The following RBMS3 variants were observed in gnomAD, a reference collection of about 807,000 sequenced individuals.
The protein encoded by RBMS3 is RNA binding motif single stranded interacting protein 3, also known as RNA-binding motif, single-stranded-interacting protein 3.
Under a neutral mutation model 66.8 loss-of-function variants are expected in RBMS3, and 27 were observed. That is an observed-to-expected ratio of 0.40 (90% CI 0.30 to 0.56). RBMS3 has a LOEUF of 0.56. Ranked by LOEUF, RBMS3 falls within the 20% of genes least tolerant of loss-of-function variation. The probability of loss-of-function intolerance (pLI) is 0.40; values close to 1 mark genes in which losing one functional copy is unlikely to be tolerated. For synonymous variants in RBMS3, 188 were observed against 183.0 expected, an observed-to-expected ratio of 1.03 and a Z score of -0.22; for missense variants, 513 against 549.5, an observed-to-expected ratio of 0.93 and a Z score of 0.66.
At chr3:29,912,679 T>A (rs2060545628) in intron 10 of RBMS3, among the ~76,000 whole-genome samples, 1 of 152,046 alleles carries the variant, frequency 6.6e-6, no homozygotes, top group African/African-American at 2.4e-5. Flanking sequence ...AACTTTCAAT[T>A]TTCTGAAGAA....
intron 1 of RBMS3, among the ~76,000 whole-genome samples, chr3:29,432,164 A>G (rs1233930360): frequency 2.0e-5 from 3 of 152,214 alleles, no homozygotes; most frequent in Non-Finnish European, 4.4e-5. Context: ...ATGGGAATTC[A>G]GAGAAAAGGA....
Position 29,884,345 on chromosome 3 carries a change from A to G in RBMS3, c.791+137A>G, listed in dbSNP as rs142869977. On this transcript the variant is annotated intron_variant, in intron 8 of 14. Coordinates refer to ENST00000383767, the MANE Select transcript of RBMS3 (RefSeq NM_001003793.3). ...ACAAAGTTTAAACCAAGCATTTTTC[A>G]TCATTATAGTTTTTTTCATCCTATA... The G allele has an allele frequency of 1.2e-4, 95 of 760,590 alleles. No individual in the cohort carries two copies. The African/African-American group carries it at 1.6e-3, about 13-fold the overall frequency. The allele number at this position is 760,590 out of a possible 1,614,324, so 47.1% of individuals were successfully genotyped here. A position where few individuals can be genotyped will look rare whatever the true frequency, so the allele number is the denominator to read the frequency against.
chr3:29,507,360 G>A (rs1364225875), intron 3 of RBMS3, among the ~76,000 whole-genome samples: 1 of 151,758 alleles, frequency 6.6e-6, no homozygotes, highest in African/African-American at 2.4e-5. Flanking sequence ...CTGAAAACTT[G>A]GAAATAACCT....
chr3:29,299,442 A>G (rs2033518856), intron 1 of RBMS3, among the ~76,000 whole-genome samples: 1 of 151,946 alleles, frequency 6.6e-6, no homozygotes, highest in Non-Finnish European at 1.5e-5. Context: ...AAACAATGAT[A>G]GATTTTTAAT....
chr3:29,727,601 A>T (rs904785049), intron 4 of RBMS3, among the ~76,000 whole-genome samples: 4 of 152,166 alleles, frequency 2.6e-5, no homozygotes, highest in East Asian at 1.9e-4. Context: ...AACAAATATT[A>T]AAAAAAGGTC....
At chr3:29,542,511 C>A (rs952913686) in intron 3 of RBMS3, among the ~76,000 whole-genome samples, 1 of 152,142 alleles carries the variant, frequency 6.6e-6, no homozygotes, top group African/African-American at 2.4e-5. Context: ...CAAGCACTTG[C>A]CGTCACACCT....
intron 1 of RBMS3, among the ~76,000 whole-genome samples, chr3:29,402,813 A>G (rs1226195928): frequency 2.0e-5 from 3 of 152,032 alleles, no homozygotes; most frequent in Admixed American, 6.6e-5. Context: ...TACATCATAT[A>G]ATACTGAAGC....
intron 3 of RBMS3, among the ~76,000 whole-genome samples, chr3:29,519,688 G>A (rs536926153): frequency 6.6e-6 from 1 of 152,132 alleles, no homozygotes; most frequent in South Asian, 2.1e-4. Flanking sequence ...AGACCAATTA[G>A]GATAACATTA....
At chr3:29,536,940 AC>A (rs1028703742) in intron 3 of RBMS3, among the ~76,000 whole-genome samples, 3 of 152,226 alleles carry the variant, frequency 2.0e-5, no homozygotes, top group African/African-American at 7.2e-5. Flanking sequence ...AAGACATTGT[AC>A]TAAGACTTTA....
chr3:29,698,160 C>T (rs932753680), intron 4 of RBMS3: 15 of 958,472 alleles, frequency 1.6e-5, no homozygotes, highest in Non-Finnish European at 1.5e-5. Context: ...AATTAATGCT[C>T]CTTCTTCAGA....
intron 1 of RBMS3, among the ~76,000 whole-genome samples, chr3:29,299,494 A>G (rs567357288): frequency 1.3e-5 from 2 of 152,084 alleles, no homozygotes; most frequent in African/African-American, 4.8e-5. Context: ...TGACTAAAAT[A>G]ATATGATTGG....
intron 10 of RBMS3, among the ~76,000 whole-genome samples, chr3:29,915,219 G>C (rs560011589): frequency 2.0e-5 from 3 of 151,766 alleles, no homozygotes; most frequent in African/African-American, 7.2e-5. Context: ...GGCTTTGCTG[G>C]ATAATCCCAT....
At chr3:29,390,963 C>T in intron 1 of RBMS3, 1 of 238,902 alleles carries the variant, frequency 4.2e-6, no homozygotes. Flanking sequence ...GTAAAGTAGT[C>T]ACAGTCTTAG....
In RBMS3 at chr3:29,354,446, T is replaced by C. The variant is rs192034472; in HGVS notation, c.75+72690T>C. The stretch of plus-strand genomic sequence containing the variant: ...CTGTCTCTAAGCTTTGTTAACCTAG[T>C]GGTAAATTCTGTGGTACCCATTTGC... On this transcript the variant is annotated intron_variant, in intron 1 of 14. Coordinates refer to ENST00000383767, the MANE Select transcript of RBMS3 (RefSeq NM_001003793.3). Among the ~76,000 whole-genome samples, 24 of 152,254 alleles carry C rather than the reference T, an allele frequency of 1.6e-4. No homozygotes were observed. The East Asian group carries it at 3.9e-3, about 25-fold the overall frequency.
chr3:29,439,609 A>ATTTATTTAT (rs2041538835), intron 2 of RBMS3, among the ~76,000 whole-genome samples: 2 of 151,178 alleles, frequency 1.3e-5, no homozygotes, highest in African/African-American at 4.9e-5. Flanking sequence ...TTATTTATTT[A>ATTTATTTAT]TTTTTATTAT....
chr3:29,282,802 T>C (rs190461542), intron 1 of RBMS3, among the ~76,000 whole-genome samples: 236 of 152,270 alleles, frequency 1.5e-3, no homozygotes, highest in African/African-American at 5.3e-3. Context: ...GACTCGGTGA[T>C]GTGATTAGGG....
intron 3 of RBMS3, among the ~76,000 whole-genome samples, chr3:29,555,222 T>C (rs1311892109): frequency 6.6e-6 from 1 of 152,190 alleles, no homozygotes; most frequent in East Asian, 1.9e-4. Context: ...TCATTGACCT[T>C]AAGTTCTGAG....
chr3:29,851,488 C>T (rs77277231), intron 6 of RBMS3, among the ~76,000 whole-genome samples: 4,841 of 152,096 alleles, frequency 0.032, 161 homozygotes, highest in East Asian at 0.091. Flanking sequence ...GGACTTTTTC[C>T]ATCTCAAAAG....
chr3:29,739,133 C>T (rs747323310), intron 4 of RBMS3, among the ~76,000 whole-genome samples: 1 of 152,094 alleles, frequency 6.6e-6, no homozygotes, highest in Non-Finnish European at 1.5e-5. Flanking sequence ...AGAATATACA[C>T]ATTTGCCTTA....
Sources: allele counts gnomAD v4.1 joint callset (sites outside exome capture counted in the v4.1 genomes callset), GRCh38; gene constraint gnomAD v4.1.1; transcripts MANE v1.5; gene names NCBI Gene and HGNC (gene_info 2026-07-23, HGNC 2026-07-21).